The following RTN4 variants were observed in gnomAD, a reference collection of about 807,000 sequenced individuals.
RTN4 encodes the protein reticulon-4.
A neutral mutation model predicts 90.4 loss-of-function variants in RTN4; 32 were observed. The observed-to-expected ratio is 0.35, with a 90% CI of 0.27 to 0.48. The LOEUF is 0.48. Ranked by LOEUF, RTN4 falls within the 20% of genes least tolerant of loss-of-function variation. The pLI, the probability that RTN4 is intolerant of heterozygous loss-of-function variation, is 0.99. For missense variants in RTN4, 1,706 were observed against 1,430.2 expected, an observed-to-expected ratio of 1.19 and a Z score of -3.11; for synonymous variants, 629 against 552.5, an observed-to-expected ratio of 1.14 and a Z score of -1.94.
upstream of RTN4, among the ~76,000 whole-genome samples, chr2:55,054,437 A>C (rs1413104177): frequency 1.3e-5 from 2 of 152,244 alleles, no homozygotes; most frequent in Non-Finnish European, 2.9e-5. Flanking sequence ...GCATGTTTTC[A>C]GTAAGAGACC....
chr2:55,002,320 A>C (rs1573350521), intron 3 of RTN4, among the ~76,000 whole-genome samples: 1 of 152,130 alleles, frequency 6.6e-6, no homozygotes, highest in Admixed American at 6.6e-5. Flanking sequence ...TGGCCTCCCA[A>C]AGTGCTAGGA....
rs2104874411 is a variant in RTN4 at position 55,027,390 on chromosome 2, A to C, written c.709T>G (p.Ser237Ala). 1 of 1,613,752 alleles carries C rather than the reference A, an allele frequency of 6.2e-7. No individual in the cohort carries two copies. Among genetic ancestry groups the C allele is most frequent in the East Asian group, 2.2e-5 (1 of 44,870 alleles). ...VLLETAASLP[S>A]LSPLSAASFK... Reference sequence around the variant, plus strand: ...GAAGCGGCTGAGAGAGGAGACAGAGAAGGAAGAGAAGCAGCAGTTTCAAGC... The same window carrying C: ...GAAGCGGCTGAGAGAGGAGACAGAGCAGGAAGAGAAGCAGCAGTTTCAAGC... The change falls in exon 3 of 9, where the codon TCT becomes GCT. Residue 237 changes from serine (S) to alanine (A), a missense_variant. Ser to Ala is a moderately conservative substitution (Grantham distance 99). Transcript: ENST00000337526.
At chr2:55,073,203 G>C (rs79337598) in intron 2 of RTN4, among the ~76,000 whole-genome samples, 1 of 152,322 alleles carries the variant, frequency 6.6e-6, no homozygotes, top group East Asian at 1.9e-4. Flanking sequence ...GTATTGCTAT[G>C]CATAAACTTG....
chr2:54,995,286 T>C (rs1267975334), intron 3 of RTN4, among the ~76,000 whole-genome samples: 2 of 152,048 alleles, frequency 1.3e-5, no homozygotes, highest in African/African-American at 4.8e-5. Context: ...ACTTCTACTA[T>C]TAAACACTGA....
chr2:55,044,760 G>T, intron 1 of RTN4, among the ~76,000 whole-genome samples: 1 of 111,436 alleles, frequency 9.0e-6, no homozygotes, highest in African/African-American at 3.6e-5. Context: ...ATTTTAAAAA[G>T]GATTTGAGAG....
chr2:55,072,974 T>C (rs1382251836), intron 2 of RTN4, among the ~76,000 whole-genome samples: 1 of 152,214 alleles, frequency 6.6e-6, no homozygotes, highest in Non-Finnish European at 1.5e-5. Context: ...GCTCAGTTGC[T>C]CATTCTTTCA....
intron 2 of RTN4, 62 bp from the exon 3 acceptor site, chr2:55,027,547 T>C (rs900187024): frequency 2.6e-5 from 39 of 1,503,962 alleles, no homozygotes; most frequent in Non-Finnish European, 8.9e-6. Flanking sequence ...TAATGCAAGT[T>C]TTATGACAGA....
intron 4 of RTN4, among the ~76,000 whole-genome samples, chr2:54,984,810 T>C (rs1036000300): frequency 6.6e-6 from 1 of 152,186 alleles, no homozygotes; most frequent in African/African-American, 2.4e-5. Context: ...ACTTTAAGAA[T>C]ATAAAGTGTT....
the RTN4 span, among the ~76,000 whole-genome samples, chr2:55,124,062 T>C: frequency 6.6e-6 from 1 of 152,196 alleles, no homozygotes; most frequent in Admixed American, 6.5e-5. Context: ...GTCACAGGAC[T>C]CTTCTCCGTA....
At chr2:54,973,780 G>T in intron 7 of RTN4, 41 bp downstream of exon 7, 1 of 1,560,216 alleles carries the variant, frequency 6.4e-7, no homozygotes, top group Non-Finnish European at 8.8e-7. Flanking sequence ...GTAATAGAGT[G>T]AGTGCTCTAT....
chr2:55,064,349 CTTT>C (rs70947003), intron 2 of RTN4, among the ~76,000 whole-genome samples: 5 of 133,376 alleles, frequency 3.7e-5, no homozygotes, highest in African/African-American at 5.5e-5. Flanking sequence ...CACAAACATT[CTTT>C]TTTTTTTTTT....
chr2:54,998,847 C>G (rs1326106267), intron 3 of RTN4, among the ~76,000 whole-genome samples: 1 of 152,036 alleles, frequency 6.6e-6, no homozygotes, highest in African/African-American at 2.4e-5. Flanking sequence ...TTTGAAAAAC[C>G]AAAATTAAGA....
At chr2:54,981,823 G>A (rs571453449) in intron 5 of RTN4, among the ~76,000 whole-genome samples, 1 of 46,440 alleles carries the variant, frequency 2.2e-5, no homozygotes, top group African/African-American at 1.1e-4. Flanking sequence ...GTACATAAGT[G>A]CTAGACTGTA....
chr2:55,031,628 T>A (rs1346767986), intron 1 of RTN4, among the ~76,000 whole-genome samples: 1 of 151,966 alleles, frequency 6.6e-6, no homozygotes, highest in Non-Finnish European at 1.5e-5. Context: ...AAAGGAAAGA[T>A]CTCTCTAAAC....
chr2:54,972,575 A>AAAG lies in RTN4; in HGVS notation c.*578_*580dup, dbSNP rs1558743460. 6.5e-6 allele frequency: 1 copy of AAAG among 152,702 alleles called. No individual in the cohort carries two copies. The highest frequency in any genetic ancestry group is 2.4e-5 in the African/African-American group (1 of 41,472). 9.5% of individuals were successfully genotyped at this position (152,702 alleles called of 1,614,324 possible). On this transcript the variant is annotated 3_prime_UTR_variant, in exon 9 of 9. Coordinates refer to ENST00000337526, the MANE Select transcript of RTN4 (RefSeq NM_020532.5). ...AAGCACTGTGGGGTGGCTGGAAGGT[A>AAAG]AAGGTCTAAGCTTTGTGAAACACTA...
chr2:54,998,377 G>A (rs1043968954), intron 3 of RTN4, among the ~76,000 whole-genome samples: 6 of 152,108 alleles, frequency 3.9e-5, no homozygotes, highest in Non-Finnish European at 7.4e-5. Context: ...CCAGAGCTGA[G>A]CAGAAAGCCA....
rs1681949317 is a variant in RTN4 at position 55,027,074 on chromosome 2, T to C, written c.1025A>G (p.Asn342Ser). The C allele has an allele frequency of 2.5e-6, 4 of 1,613,230 alleles. No individual in the cohort carries two copies. Among genetic ancestry groups the C allele is most frequent in the Non-Finnish European group, 2.5e-6 (3 of 1,179,680 alleles). ...EKLVSNNILHNQQELPTALTK... is the reference protein window; with the variant it reads ...EKLVSNNILHSQQELPTALTK... The stretch of plus-strand genomic sequence containing the variant: ...AAGAGCTGTAGGTAACTCTTGTTGA[T>C]TATGAAGGATGTTATTACTAACTAA... Residue 342 changes from asparagine (N) to serine (S), a missense_variant, in exon 3 of 9, where the codon AAT becomes AGT. Transcript: ENST00000337526.
intron 5 of RTN4, among the ~76,000 whole-genome samples, chr2:54,978,424 C>CT (rs1284564351): frequency 1.9e-5 from 2 of 103,896 alleles, no homozygotes; most frequent in East Asian, 6.3e-4. Context: ...CAGCGAGACT[C>CT]TATCTCCAAA....
chr2:55,086,872 A>G (rs1668852137), intron 1 of RTN4, among the ~76,000 whole-genome samples: 1 of 150,372 alleles, frequency 6.7e-6, no homozygotes, highest in Non-Finnish European at 1.5e-5. Flanking sequence ...GTTTCTCAGA[A>G]TGGTCTCAGA....
Sources: gnomAD v4.1 joint callset for allele counts (sites outside exome capture counted in the v4.1 genomes callset) on GRCh38, gnomAD v4.1.1 for gene constraint, MANE v1.5 for transcripts, NCBI Gene and HGNC (gene_info 2026-07-23, HGNC 2026-07-21) for gene names.